Variants in OTUD7A observed in about 807,000 individuals in gnomAD.
The protein encoded by OTUD7A is OTU deubiquitinase 7A, also known as OTU domain-containing protein 7A.
In OTUD7A, 12 loss-of-function variants were observed where a neutral mutation model predicts 65.7. The ratio of observed to expected loss-of-function variants is 0.18; its 90% CI spans 0.12 to 0.30. OTUD7A has a LOEUF of 0.30. OTUD7A is among the 10% of genes least tolerant of loss of function. The probability of loss-of-function intolerance (pLI) is 1.00; values close to 1 mark genes in which losing one functional copy is unlikely to be tolerated. For synonymous variants in OTUD7A, 641 were observed against 586.3 expected (o/e 1.09, Z -1.35); for missense variants, 1,148 against 1,304.8 (o/e 0.88, Z 1.85).
At chr15:31,713,762 G>C (rs1024399573) in intron 1 of OTUD7A, among the ~76,000 whole-genome samples, 5 of 151,356 alleles carry the variant, frequency 3.3e-5, no homozygotes, top group African/African-American at 1.2e-4. Flanking sequence ...GTAAAGGACT[G>C]GTACCCTGAA....
chr15:31,762,352 ATTT>A (rs1894989276), intron 1 of OTUD7A, among the ~76,000 whole-genome samples: 1 of 152,214 alleles, frequency 6.6e-6, no homozygotes, highest in Admixed American at 6.5e-5. Context: ...TCCTCCCACC[ATTT>A]AACCTCCACA....
chr15:31,752,371 G>A (rs891170626), intron 1 of OTUD7A, among the ~76,000 whole-genome samples: 38 of 152,128 alleles, frequency 2.5e-4, no homozygotes, highest in African/African-American at 9.2e-4. Context: ...TATTTTAGTA[G>A]GTTTTTCAAA....
At chr15:31,625,188 C>T (rs1890914212) in intron 3 of OTUD7A, among the ~76,000 whole-genome samples, 1 of 152,146 alleles carries the variant, frequency 6.6e-6, no homozygotes, top group African/African-American at 2.4e-5. Context: ...CCACCAGCAG[C>T]CCTGCGAGTG....
At chr15:31,674,054 GATTGGA>G (rs1470104406) in intron 1 of OTUD7A, among the ~76,000 whole-genome samples, 10 of 152,280 alleles carry the variant, frequency 6.6e-5, no homozygotes, top group Non-Finnish European at 1.0e-4. Context: ...ATTCCACCTA[GATTGGA>G]ATCAGTACTC....
chr15:31,560,809 C>A (rs1888663203), intron 4 of OTUD7A, among the ~76,000 whole-genome samples: 1 of 152,218 alleles, frequency 6.6e-6, no homozygotes, highest in Non-Finnish European at 1.5e-5. Flanking sequence ...GGTCTGTGCT[C>A]CTGCAATGCC....
chr15:31,534,406 C>T (rs1006289394), intron 5 of OTUD7A, among the ~76,000 whole-genome samples: 2 of 151,756 alleles, frequency 1.3e-5, no homozygotes, highest in African/African-American at 4.8e-5. Flanking sequence ...ATCTCCATAA[C>T]TTGATTTAAA....
At chr15:31,640,747 T>C (rs1891489126) in intron 3 of OTUD7A, among the ~76,000 whole-genome samples, 2 of 152,202 alleles carry the variant, frequency 1.3e-5, no homozygotes, top group South Asian at 4.1e-4. Flanking sequence ...GTATATGATA[T>C]GATGTTCTGA....
At chr15:31,621,799 A>C (rs192030584) in intron 3 of OTUD7A, among the ~76,000 whole-genome samples, 36,374 of 141,112 alleles carry the variant, frequency 0.26, 5,871 homozygotes, top group African/African-American at 0.43. Context: ...TGAATCTGAT[A>C]CTGCCATTAT....
At chr15:31,516,864 C>T (rs927178212) in intron 8 of OTUD7A, among the ~76,000 whole-genome samples, 7 of 152,210 alleles carry the variant, frequency 4.6e-5, no homozygotes, top group African/African-American at 1.7e-4. Context: ...TCATGATGGC[C>T]TCCATGCCCA....
At position 31,737,436 on chromosome 15, in the gene OTUD7A, T is replaced by C. The variant is rs562810651; in HGVS notation, c.-99-80359A>G. On this transcript the variant is annotated intron_variant, in intron 1 of 12. Coordinates refer to ENST00000307050, the MANE Select transcript of OTUD7A (RefSeq NM_001382637.1). ...AAAACGACGCAAACTGCCAATGCCA[T>C]ATCATTTTCACACAAACTGGAAAAA... Among the ~76,000 whole-genome samples, 38 of 152,292 alleles carry C rather than the reference T, an allele frequency of 2.5e-4. 2 individuals carry two copies. In the South Asian group the frequency reaches 7.7e-3, roughly 31 times the overall value.
intron 1 of OTUD7A, among the ~76,000 whole-genome samples, chr15:31,772,055 A>G (rs1279982587): frequency 2.0e-5 from 3 of 151,904 alleles, no homozygotes; most frequent in Admixed American, 2.0e-4. Flanking sequence ...GATCGAGACC[A>G]TCCCGGCTAA....
chr15:31,649,300 T>G (rs1442827658), intron 3 of OTUD7A, among the ~76,000 whole-genome samples: 1 of 152,240 alleles, frequency 6.6e-6, no homozygotes, highest in African/African-American at 2.4e-5. Flanking sequence ...CAGGTCAGTG[T>G]TCACTTGCCT....
chr15:31,600,761 G>T (rs1252617918), intron 3 of OTUD7A, among the ~76,000 whole-genome samples: 1 of 152,110 alleles, frequency 6.6e-6, no homozygotes, highest in East Asian at 1.9e-4. Flanking sequence ...AAGGGATGGA[G>T]GAATATTTAT....
chr15:31,487,622 G>A lies in OTUD7A; in HGVS notation c.1172-56C>T. 6.8e-7 allele frequency: 1 copy of A among 1,465,112 alleles called. No individual in the cohort carries two copies. 90.8% of individuals were successfully genotyped at this position (1,465,112 alleles called of 1,614,324 possible). Reference sequence around the variant, plus strand: ...AGCCCCGGCAGTCCCCAGGCAGGATGGCAAGGAAATTCCCAAGCCAGGTAT... The same window carrying A: ...AGCCCCGGCAGTCCCCAGGCAGGATAGCAAGGAAATTCCCAAGCCAGGTAT... On this transcript the variant is annotated intron_variant, in intron 10 of 12. Transcript: ENST00000307050. The surrounding 1 kb of genome is among the most constrained non-coding windows in gnomAD (Gnocchi z 6.0).
At chr15:31,629,202 C>T (rs1039482735) in intron 3 of OTUD7A, among the ~76,000 whole-genome samples, 5 of 152,084 alleles carry the variant, frequency 3.3e-5, no homozygotes, top group African/African-American at 1.2e-4. Flanking sequence ...CAGTTTTTGC[C>T]CATTCAGTAT....
chr15:31,510,487 G>GTATATCTATATGTAACATACATA (rs1374157236), intron 8 of OTUD7A, among the ~76,000 whole-genome samples: 12 of 146,972 alleles, frequency 8.2e-5, no homozygotes, highest in African/African-American at 2.8e-4. Context: ...ATATATGTAT[G>GTATATCTATATGTAACATACATA]TATATCTATA....
intron 1 of OTUD7A, among the ~76,000 whole-genome samples, chr15:31,713,592 C>A (rs1893506028): frequency 6.6e-6 from 1 of 151,672 alleles, no homozygotes; most frequent in Non-Finnish European, 1.5e-5. Context: ...ACACTCCAGC[C>A]AGGACAACAG....
intron 8 of OTUD7A, among the ~76,000 whole-genome samples, chr15:31,507,344 A>G (rs920138756): frequency 3.3e-5 from 5 of 152,054 alleles, no homozygotes; most frequent in Non-Finnish European, 7.4e-5. Context: ...GAAGGGTTTT[A>G]GATCTGTATG....
At chr15:31,593,039 TAC>T (rs1889796782) in intron 3 of OTUD7A, among the ~76,000 whole-genome samples, 1 of 149,162 alleles carries the variant, frequency 6.7e-6, no homozygotes, top group African/African-American at 2.5e-5. Flanking sequence ...ATAAACCCAT[TAC>T]ATAGTCATTT....
Sources: gnomAD v4.1 joint callset for allele counts (sites outside exome capture counted in the v4.1 genomes callset) on GRCh38, gnomAD v4.1.1 for gene constraint, Gnocchi (gnomAD v3.1) non-coding constraint, MANE v1.5 for transcripts, NCBI Gene and HGNC (gene_info 2026-07-23, HGNC 2026-07-21) for gene names.